The following DLGAP2 variants were observed in gnomAD, a reference collection of about 807,000 sequenced individuals.
The protein encoded by DLGAP2 is disks large-associated protein 2.
DLGAP2 carries 26 observed loss-of-function variants against 100.3 expected under a neutral mutation model. The ratio of observed to expected loss-of-function variants is 0.26; its 90% CI spans 0.19 to 0.36. The LOEUF is 0.36. Among genes scored for constraint, DLGAP2 ranks in the 10% least tolerant of loss-of-function variants. DLGAP2 has a pLI of 1.00. For missense variants in DLGAP2, 1,858 were observed against 1,453.2 expected, an observed-to-expected ratio of 1.28 and a Z score of -4.53; for synonymous variants, 886 against 630.1, an observed-to-expected ratio of 1.41 and a Z score of -6.08.
intron 2 of DLGAP2, among the ~76,000 whole-genome samples, chr8:1,007,436 A>G (rs187935262): frequency 6.6e-6 from 1 of 152,318 alleles, no homozygotes; most frequent in African/African-American, 2.4e-5. Flanking sequence ...ATCATGGCCC[A>G]TTTTACCAAG....
At chr8:1,079,825 G>T (rs190970266) in intron 2 of DLGAP2, among the ~76,000 whole-genome samples, 13 of 152,362 alleles carry the variant, frequency 8.5e-5, no homozygotes, top group African/African-American at 2.6e-4. Context: ...CTCAATTTGG[G>T]TCTGAAACGT....
chr8:1,544,323 T>C (rs1563211454), intron 4 of DLGAP2, among the ~76,000 whole-genome samples: 1 of 152,224 alleles, frequency 6.6e-6, no homozygotes, highest in African/African-American at 2.4e-5. Flanking sequence ...AGAAATACAA[T>C]TGATTTTTTA....
At chr8:1,133,230 A>C (rs1427520654) in intron 2 of DLGAP2, among the ~76,000 whole-genome samples, 3 of 152,232 alleles carry the variant, frequency 2.0e-5, no homozygotes, top group African/African-American at 7.2e-5. Context: ...TTTTCTGAAA[A>C]GAACTTTGGA....
intron 2 of DLGAP2, among the ~76,000 whole-genome samples, chr8:1,052,344 A>G (rs546976956): frequency 1.3e-5 from 2 of 152,374 alleles, no homozygotes; most frequent in South Asian, 4.1e-4. Context: ...TGGGGTATTT[A>G]AAGCTCAGTA....
intron 3 of DLGAP2, among the ~76,000 whole-genome samples, chr8:1,272,950 G>A (rs1044667216): frequency 3.9e-5 from 6 of 152,260 alleles, no homozygotes; most frequent in African/African-American, 1.4e-4. Context: ...CTGTGCCGTG[G>A]GTTATGGAAC....
At chr8:1,438,422 C>A (rs926470033) in intron 3 of DLGAP2, among the ~76,000 whole-genome samples, 2 of 152,126 alleles carry the variant, frequency 1.3e-5, no homozygotes, top group Non-Finnish European at 2.9e-5. Flanking sequence ...GGGAGTTTTT[C>A]CAAAGAATAA....
chr8:822,305 G>T (rs1796598039), intron 1 of DLGAP2: 1 of 398,956 alleles, frequency 2.5e-6, no homozygotes, highest in Non-Finnish European at 4.4e-6. Flanking sequence ...GGGCACAGGG[G>T]TGACGGGGGC....
chr8:1,081,614 G>T (rs1227601095), intron 2 of DLGAP2, among the ~76,000 whole-genome samples: 1 of 152,196 alleles, frequency 6.6e-6, no homozygotes, highest in Non-Finnish European at 1.5e-5. Flanking sequence ...GCCTCCCAAA[G>T]TGCATGGATT....
chr8:984,215 C>G (rs551875234), intron 2 of DLGAP2, among the ~76,000 whole-genome samples: 1 of 152,306 alleles, frequency 6.6e-6, no homozygotes, highest in African/African-American at 2.4e-5. Context: ...TTGCCGACAC[C>G]TGACCTTGGG....
intron 4 of DLGAP2, among the ~76,000 whole-genome samples, chr8:1,504,598 A>G (rs1201558999): frequency 6.6e-6 from 1 of 152,058 alleles, no homozygotes; most frequent in East Asian, 1.9e-4. Context: ...TCTGCTTCTG[A>G]GTTCTATGCT....
At chr8:1,158,114 A>G (rs1796825801) in intron 2 of DLGAP2, among the ~76,000 whole-genome samples, 1 of 152,220 alleles carries the variant, frequency 6.6e-6, no homozygotes, top group South Asian at 2.1e-4. Flanking sequence ...TTTCTAATAG[A>G]CCATGCTGCT....
At chr8:945,901 A>G (rs1799307076) in intron 2 of DLGAP2, among the ~76,000 whole-genome samples, 1 of 151,896 alleles carries the variant, frequency 6.6e-6, no homozygotes, top group Admixed American at 6.6e-5. Context: ...TGAAGTTCCC[A>G]TGTTTCCTTG....
In DLGAP2 at chr8:1,537,714, G is replaced by C. The variant is rs1801200223; in HGVS notation, c.173-10912G>C. 2.7e-5 allele frequency among the ~76,000 whole-genome samples: 4 copies of C among 148,338 alleles called. No homozygotes were observed. The Admixed American group carries it at 2.7e-4, about 10-fold the overall frequency. ...GGAAGGATAGATGGAAGGATGGATGGATGGATGAAAGGATGGAAGGAAGGA... is the reference window on the plus strand; with the variant it reads ...GGAAGGATAGATGGAAGGATGGATGCATGGATGAAAGGATGGAAGGAAGGA... On this transcript the variant is annotated intron_variant, in intron 4 of 14. Transcript: ENST00000637795.
At chr8:1,481,471 C>CTTTTTCT (rs1799091409) in intron 3 of DLGAP2, among the ~76,000 whole-genome samples, 1 of 43,700 alleles carries the variant, frequency 2.3e-5, no homozygotes, top group Non-Finnish European at 4.5e-5. Context: ...TTTTCTTTTT[C>CTTTTTCT]TTTTTTTTTT....
At chr8:1,683,425 T>A (rs1488759108) in intron 12 of DLGAP2, among the ~76,000 whole-genome samples, 2 of 151,064 alleles carry the variant, frequency 1.3e-5, no homozygotes, top group Non-Finnish European at 3.0e-5. Flanking sequence ...GTGGGGAGGG[T>A]CTGTGCTACC....
chr8:1,013,690 GAT>G (rs1801371530), intron 2 of DLGAP2, among the ~76,000 whole-genome samples: 2 of 94,002 alleles, frequency 2.1e-5, no homozygotes, highest in African/African-American at 1.3e-4. Flanking sequence ...CAGGACAGAC[GAT>G]GCCTCCATTG....
chr8:961,356 A>G (rs1014223096), intron 2 of DLGAP2, among the ~76,000 whole-genome samples: 86 of 150,866 alleles, frequency 5.7e-4, no homozygotes, highest in Non-Finnish European at 4.5e-5. Flanking sequence ...AGAACCGTCC[A>G]GTTTGACTCC....
chr8:1,650,484 G>A (rs1357244959), intron 8 of DLGAP2, among the ~76,000 whole-genome samples: 2 of 152,244 alleles, frequency 1.3e-5, no homozygotes, highest in Admixed American at 6.5e-5. Flanking sequence ...TATTCTGTGT[G>A]TGCGATAAAA....
At chr8:1,591,387 C>G (rs1237554986) in intron 6 of DLGAP2, among the ~76,000 whole-genome samples, 1 of 152,132 alleles carries the variant, frequency 6.6e-6, no homozygotes, top group East Asian at 1.9e-4. Context: ...AAGAAAGGGC[C>G]CTCCTGGTCT....
Sources: allele counts gnomAD v4.1 joint callset (sites outside exome capture counted in the v4.1 genomes callset), GRCh38; gene constraint gnomAD v4.1.1; transcripts MANE v1.5; gene names NCBI Gene and HGNC (gene_info 2026-07-23, HGNC 2026-07-21).